The following FRMD4B variants were observed in gnomAD, a reference collection of about 807,000 sequenced individuals.
FRMD4B encodes the protein FERM domain containing 4B.
In FRMD4B, 74 loss-of-function variants were observed where a neutral mutation model predicts 141.5. The ratio of observed to expected loss-of-function variants is 0.52; its 90% CI spans 0.43 to 0.63. FRMD4B has a LOEUF of 0.63. Among genes scored for constraint, FRMD4B ranks in the 30% least tolerant of loss-of-function variants. The pLI, the probability that FRMD4B is intolerant of heterozygous loss-of-function variation, is 0.00. For missense variants in FRMD4B, 1,366 were observed against 1,253.4 expected (o/e 1.09, Z -1.36); for synonymous variants, 506 against 467.9 (o/e 1.08, Z -1.05).
chr3:69,267,190 G>T (rs577265000), intron 5 of FRMD4B, among the ~76,000 whole-genome samples: 127 of 152,192 alleles, frequency 8.3e-4, no homozygotes, highest in Non-Finnish European at 1.7e-3. Flanking sequence ...TTTGGAACCA[G>T]TGAGTTAGAG....
chr3:69,399,315 G>A (rs17005815), intron 2 of FRMD4B, among the ~76,000 whole-genome samples: 5,467 of 152,166 alleles, frequency 0.036, 336 homozygotes, highest in African/African-American at 0.12. Flanking sequence ...TCTGAGAATG[G>A]GTGTCCCCAG....
chr3:69,541,222 C>T (rs902715625), intron 1 of FRMD4B: 2 of 152,278 alleles, frequency 1.3e-5, no homozygotes, highest in African/African-American at 2.4e-5. Flanking sequence ...GTCTTTCTTC[C>T]CGAAAGGCCC....
chr3:69,542,509 G>C (rs965168776), exon 1 of FRMD4B: 2 of 152,934 alleles, frequency 1.3e-5, no homozygotes, highest in Admixed American at 1.3e-4. Flanking sequence ...GTGCGTCCTC[G>C]CTTTGCTCCA....
intron 2 of FRMD4B, among the ~76,000 whole-genome samples, chr3:69,424,747 T>C (rs1705049706): frequency 6.6e-6 from 1 of 152,152 alleles, no homozygotes; most frequent in Non-Finnish European, 1.5e-5. Context: ...AATCCCAATA[T>C]GGGATTTAAA....
intron 2 of FRMD4B, among the ~76,000 whole-genome samples, chr3:69,425,450 T>G (rs1705060022): frequency 6.6e-6 from 1 of 152,206 alleles, no homozygotes; most frequent in Admixed American, 6.5e-5. Flanking sequence ...CACACCCTAC[T>G]GCCCATGGGG....
chr3:69,216,067 T>C (rs901871161), intron 11 of FRMD4B, among the ~76,000 whole-genome samples, 196 bp downstream of exon 11: 4 of 152,044 alleles, frequency 2.6e-5, no homozygotes, highest in Non-Finnish European at 5.9e-5. Flanking sequence ...GGCAGGAGAC[T>C]CGCTTGAACC....
At chr3:69,348,070 A>G (rs1476147199) in intron 1 of FRMD4B, among the ~76,000 whole-genome samples, 2 of 152,164 alleles carry the variant, frequency 1.3e-5, no homozygotes, top group African/African-American at 4.8e-5. Flanking sequence ...GATCAACAAA[A>G]TTGATAGACT....
At chr3:69,541,428 G>A (rs1248911136) in intron 1 of FRMD4B, 1 of 152,430 alleles carries the variant, frequency 6.6e-6, no homozygotes, top group South Asian at 2.1e-4. Context: ...GAGAGCGAGA[G>A]AGAGAGAGAG....
At chr3:69,506,624 C>T (rs952084300) in intron 1 of FRMD4B, among the ~76,000 whole-genome samples, 48 of 152,054 alleles carry the variant, frequency 3.2e-4, no homozygotes, top group Admixed American at 2.0e-4. Context: ...CAGCCTCGAC[C>T]TCCCTGGCTC....
At chr3:69,251,987 T>C (rs551024897) in intron 5 of FRMD4B, among the ~76,000 whole-genome samples, 1 of 152,326 alleles carries the variant, frequency 6.6e-6, no homozygotes, top group South Asian at 2.1e-4. Flanking sequence ...AAATGTGTCT[T>C]AAAATCTTAG....
At chr3:69,214,936 G>C (rs1366374849) in intron 11 of FRMD4B, among the ~76,000 whole-genome samples, 1 of 151,906 alleles carries the variant, frequency 6.6e-6, no homozygotes, top group African/African-American at 2.4e-5. Context: ...CTGAAGTGCA[G>C]TGGCGTGATC....
intron 7 of FRMD4B, among the ~76,000 whole-genome samples, chr3:69,244,554 AC>A (rs1457321710): frequency 6.6e-6 from 1 of 152,076 alleles, no homozygotes; most frequent in African/African-American, 2.4e-5. Flanking sequence ...AATCTCTTGA[AC>A]CCAGGAGGTG....
intron 1 of FRMD4B, among the ~76,000 whole-genome samples, chr3:69,335,239 CAAT>C (rs1358042784): frequency 6.6e-6 from 1 of 152,052 alleles, no homozygotes; most frequent in Non-Finnish European, 1.5e-5. Flanking sequence ...CCAGAAATAG[CAAT>C]GATGAGGATT....
chr3:69,298,068 AC>A (rs1418279758), intron 4 of FRMD4B, among the ~76,000 whole-genome samples: 2 of 152,158 alleles, frequency 1.3e-5, no homozygotes, highest in South Asian at 2.1e-4. Flanking sequence ...ATATTTATTA[AC>A]CCTTCAAATC....
rs952543500 is a variant in FRMD4B, at chr3:69,168,860, G to A, written c.*3001C>T. Among the ~76,000 whole-genome samples the A allele has an allele frequency of 6.6e-6, 1 of 151,958 alleles. No homozygotes were observed. Among genetic ancestry groups the A allele is most frequent in the Non-Finnish European group, 1.5e-5 (1 of 67,988 alleles). Reference sequence around the variant, plus strand: ...ACAAGGAAGAATTTTGAAAATTTTTGTCAAATATAGAAAAATAGATAAACA... The same window carrying A: ...ACAAGGAAGAATTTTGAAAATTTTTATCAAATATAGAAAAATAGATAAACA... On this transcript the variant is annotated 3_prime_UTR_variant, in exon 23 of 23. Transcript: ENST00000398540.
At chr3:69,281,650 C>G (rs992960187) in intron 5 of FRMD4B, among the ~76,000 whole-genome samples, 4 of 151,766 alleles carry the variant, frequency 2.6e-5, no homozygotes, top group Non-Finnish European at 4.4e-5. Flanking sequence ...ATGGTGAAAT[C>G]CCGTCTCTAC....
intron 2 of FRMD4B, among the ~76,000 whole-genome samples, chr3:69,395,641 A>C (rs1488479144): frequency 6.6e-6 from 1 of 152,220 alleles, no homozygotes; most frequent in Non-Finnish European, 1.5e-5. Flanking sequence ...AAAAAGGGAC[A>C]TGAAAGTATA....
At position 69,477,372 on chromosome 3, in the gene FRMD4B, C is replaced by T. The variant is rs1377431133; in HGVS notation, c.-128-44611G>A. 4.8e-5 allele frequency among the ~76,000 whole-genome samples: 7 copies of T among 145,558 alleles called. 2 individuals carry two copies. The highest frequency in any genetic ancestry group is 4.0e-4 in the East Asian group (2 of 5,032). On this transcript the variant is annotated intron_variant, in intron 1 of 5. Coordinates refer to the FRMD4B transcript ENST00000459638. ...TAGATAGCTCTTATAATTTGAGATA[C>T]GTCCCATCAATACCTAATTTACTGA...
intron 1 of FRMD4B, among the ~76,000 whole-genome samples, chr3:69,498,818 A>G (rs1027519454): frequency 2.6e-5 from 4 of 152,188 alleles, no homozygotes; most frequent in Admixed American, 6.5e-5. Context: ...TATACCCAGG[A>G]CTTATTCCTT....
Sources: gnomAD v4.1 joint callset for allele counts (sites outside exome capture counted in the v4.1 genomes callset) on GRCh38, gnomAD v4.1.1 for gene constraint, MANE v1.5 for transcripts, NCBI Gene and HGNC (gene_info 2026-07-23, HGNC 2026-07-21) for gene names.